Variants in COMMD10 observed in about 807,000 individuals in gnomAD.
COMMD10 encodes COMM domain containing 10.
In COMMD10, 33 loss-of-function variants were observed where a neutral mutation model predicts 28.9. That is an observed-to-expected ratio of 1.14 (90% CI 0.87 to 1.53). The LOEUF (loss-of-function observed/expected upper bound fraction) is 1.53. COMMD10 is among the 40% of genes most tolerant of loss of function. The pLI is 0.00. For missense variants in COMMD10, 310 were observed against 233.4 expected, an observed-to-expected ratio of 1.33 and a Z score of -2.14; for synonymous variants, 110 against 81.7, an observed-to-expected ratio of 1.35 and a Z score of -1.87.
At position 116,103,402 on chromosome 5, in the gene COMMD10, C is replaced by T. The variant is rs188560175; in HGVS notation, c.399+10702C>T. On this transcript the variant is annotated intron_variant, in intron 4 of 6. Transcript: ENST00000274458. ...GGTATCTCATTGTGGTTTTGATTTG[C>T]ATTTCTCTAATGACCAGTGGTGATG... Among the ~76,000 whole-genome samples the T allele has an allele frequency of 1.2e-4, 18 of 152,290 alleles. No homozygotes were observed. The East Asian group carries it at 2.9e-3, about 24-fold the overall frequency.
intron 5 of COMMD10, among the ~76,000 whole-genome samples, chr5:116,219,336 G>A (rs1238121076): frequency 1.3e-5 from 2 of 152,104 alleles, no homozygotes; most frequent in African/African-American, 4.8e-5. Context: ...TAGTGCAGTA[G>A]GCGGAATAAC....
intron 5 of COMMD10, among the ~76,000 whole-genome samples, chr5:116,262,113 G>A (rs1029121254): frequency 6.6e-6 from 1 of 151,540 alleles, no homozygotes; most frequent in African/African-American, 2.4e-5. Flanking sequence ...TCAGACACAG[G>A]CAGTCTGACT....
At chr5:116,203,816 G>A (rs1379129257) in intron 5 of COMMD10, among the ~76,000 whole-genome samples, 1 of 151,666 alleles carries the variant, frequency 6.6e-6, no homozygotes, top group African/African-American at 2.4e-5. Flanking sequence ...TCGAGACTAG[G>A]AAGAAACTGC....
At chr5:116,111,653 G>C (rs1387340979) in intron 4 of COMMD10, among the ~76,000 whole-genome samples, 1 of 152,106 alleles carries the variant, frequency 6.6e-6, no homozygotes, top group Non-Finnish European at 1.5e-5. Flanking sequence ...GGTATGATTT[G>C]ATTTTTAAAA....
At chr5:116,142,280 A>T (rs1752219144) in intron 5 of COMMD10, among the ~76,000 whole-genome samples, 1 of 151,862 alleles carries the variant, frequency 6.6e-6, no homozygotes, top group Non-Finnish European at 1.5e-5. Flanking sequence ...TATGACAGAC[A>T]TATTAGGATT....
chr5:116,124,663 G>A (rs1401810024), intron 4 of COMMD10, among the ~76,000 whole-genome samples: 1 of 152,126 alleles, frequency 6.6e-6, no homozygotes, highest in East Asian at 1.9e-4. Flanking sequence ...AATTTTAACA[G>A]TGGGGTGTTA....
At chr5:116,094,002 C>T (rs989581801) in intron 4 of COMMD10, among the ~76,000 whole-genome samples, 1 of 152,112 alleles carries the variant, frequency 6.6e-6, no homozygotes, top group African/African-American at 2.4e-5. Context: ...CCTTCTCTCT[C>T]ACCATGTAAA....
chr5:116,279,683 C>G (rs1417100883), intron 5 of COMMD10, among the ~76,000 whole-genome samples: 1 of 151,776 alleles, frequency 6.6e-6, no homozygotes, highest in Non-Finnish European at 1.5e-5. Context: ...TGAAACCTAG[C>G]TTTTTAACTT....
At chr5:116,278,170 A>G (rs1462566065) in intron 5 of COMMD10, among the ~76,000 whole-genome samples, 1 of 151,838 alleles carries the variant, frequency 6.6e-6, no homozygotes, top group African/African-American at 2.4e-5. Context: ...TTAGAAAAAT[A>G]TACCATTACC....
chr5:116,173,546 T>A (rs1040115404), intron 5 of COMMD10, among the ~76,000 whole-genome samples: 9 of 152,242 alleles, frequency 5.9e-5, no homozygotes, highest in Non-Finnish European at 8.8e-5. Flanking sequence ...TAGCTTTTTT[T>A]AAAAAAGACT....
At chr5:116,185,316 A>G (rs1748102364) in intron 5 of COMMD10, among the ~76,000 whole-genome samples, 1 of 152,100 alleles carries the variant, frequency 6.6e-6, no homozygotes, top group Non-Finnish European at 1.5e-5. Context: ...GGAAGGACAA[A>G]GGCAAGGGGC....
At chr5:116,198,785 C>A (rs1461232790) in intron 5 of COMMD10, among the ~76,000 whole-genome samples, 1 of 152,086 alleles carries the variant, frequency 6.6e-6, no homozygotes, top group Non-Finnish European at 1.5e-5. Context: ...TTTCATGCAT[C>A]GATAGCTCAT....
At chr5:116,203,027 A>G (rs10055983) in intron 5 of COMMD10, among the ~76,000 whole-genome samples, 49,577 of 150,842 alleles carry the variant, frequency 0.33, 11,858 homozygotes, top group African/African-American at 0.68. Context: ...TAGGTCTAAC[A>G]TTTAAGTCTT....
intron 5 of COMMD10, among the ~76,000 whole-genome samples, chr5:116,251,046 T>C (rs751550145): frequency 2.6e-5 from 4 of 151,946 alleles, no homozygotes; most frequent in Non-Finnish European, 5.9e-5. Context: ...CTTGCCCGTA[T>C]CCAAAGCTAC....
intron 5 of COMMD10, among the ~76,000 whole-genome samples, chr5:116,168,492 A>G (rs1210409536): frequency 1.3e-5 from 2 of 152,306 alleles, no homozygotes; most frequent in Admixed American, 1.3e-4. Flanking sequence ...CCTAATAGAC[A>G]TCTACAGAAC....
At chr5:116,239,633 A>G (rs577610563) in intron 5 of COMMD10, among the ~76,000 whole-genome samples, 4 of 152,186 alleles carry the variant, frequency 2.6e-5, no homozygotes, top group Admixed American at 6.5e-5. Flanking sequence ...GTGCTGGTCA[A>G]AATAATGGAA....
At chr5:116,226,657 G>A (rs199872582) in intron 5 of COMMD10, among the ~76,000 whole-genome samples, 14 of 119,916 alleles carry the variant, frequency 1.2e-4, no homozygotes, top group South Asian at 6.8e-4. Context: ...AGTAACACAA[G>A]GGAAAAAAAA....
At chr5:116,257,564 A>G (rs1469282896) in intron 5 of COMMD10, among the ~76,000 whole-genome samples, 2 of 151,744 alleles carry the variant, frequency 1.3e-5, no homozygotes, top group Admixed American at 1.3e-4. Context: ...AGGAGTACAC[A>G]GTAAATGGAA....
chr5:116,115,271 C>T (rs1215744629), intron 4 of COMMD10, among the ~76,000 whole-genome samples: 2 of 152,098 alleles, frequency 1.3e-5, no homozygotes, highest in South Asian at 2.1e-4. Context: ...AATTGATTCT[C>T]CAGTAGGAAA....
Sources: allele counts gnomAD v4.1 joint callset (sites outside exome capture counted in the v4.1 genomes callset), GRCh38; gene constraint gnomAD v4.1.1; transcripts MANE v1.5; gene names NCBI Gene and HGNC (gene_info 2026-07-23, HGNC 2026-07-21).